Variants in KIAA1614 observed in about 807,000 individuals in gnomAD.
KIAA1614 encodes the protein uncharacterized protein KIAA1614.
Under a neutral mutation model 88.7 loss-of-function variants are expected in KIAA1614, and 76 were observed. That is an observed-to-expected ratio of 0.86 (90% CI 0.71 to 1.04). The LOEUF is 1.04. Ranked by LOEUF, KIAA1614 falls within the 50% of genes least tolerant of loss-of-function variation. The probability of loss-of-function intolerance (pLI) is 0.00; values close to 1 mark genes in which losing one functional copy is unlikely to be tolerated. For synonymous variants in KIAA1614, 714 were observed against 675.5 expected (o/e 1.06, Z -0.88); for missense variants, 1,553 against 1,582.5 (o/e 0.98, Z 0.32).
chr1:180,915,520 G>A lies in KIAA1614; in HGVS notation c.51-634G>A, dbSNP rs141897737. Among the ~76,000 whole-genome samples the A allele has an allele frequency of 2.0e-3, 309 of 152,274 alleles. 1 individual carries two copies. Among genetic ancestry groups the A allele is most frequent in the African/African-American group, 6.8e-3 (283 of 41,554 alleles). ...TGTCCTCTGAAGCTTCATTTTGCCC[G>A]TCTATAAAATGGGGATAGAAAAACT... On this transcript the variant is annotated intron_variant, in intron 1 of 8. Transcript: ENST00000367588.
intron 3 of KIAA1614, among the ~76,000 whole-genome samples, chr1:180,920,224 C>T (rs1653923536): frequency 6.6e-6 from 1 of 152,204 alleles, no homozygotes; most frequent in East Asian, 1.9e-4. Context: ...CCCTGCAGGG[C>T]TCCCTCTCTC....
intron 3 of KIAA1614, among the ~76,000 whole-genome samples, chr1:180,924,886 A>ATAATAATAAT: frequency 7.0e-6 from 1 of 142,634 alleles, no homozygotes; most frequent in South Asian, 2.3e-4. Context: ...GCTAATGATA[A>ATAATAATAAT]AATAATAATA....
chr1:180,933,050 C>T (rs929227158), intron 4 of KIAA1614, among the ~76,000 whole-genome samples: 1 of 152,086 alleles, frequency 6.6e-6, no homozygotes, highest in Non-Finnish European at 1.5e-5. Flanking sequence ...AGCAGGAGTT[C>T]TTTTTAAAAA....
rs183835061 is a variant in KIAA1614 at position 180,930,344 on chromosome 1, G to A, written c.1205+1771G>A. Among the ~76,000 whole-genome samples the A allele has an allele frequency of 5.3e-3, 801 of 151,410 alleles. 8 individuals are homozygous for A. Among genetic ancestry groups the A allele is most frequent in the African/African-American group, 0.019 (768 of 41,182 alleles). On this transcript the variant is annotated intron_variant, in intron 4 of 8. Transcript: ENST00000367588. ...TGAGGCAGGAGAATCACTTGAACCC[G>A]GGAGGCGGAGGTTGCAGCGAGCCGA...
Position 180,946,417 on chromosome 1 carries a change from C to A in KIAA1614, c.*829C>A, listed in dbSNP as rs1208340245. The A allele has an allele frequency of 6.6e-6, 1 of 152,244 alleles. No individual in the cohort carries two copies. The highest frequency in any genetic ancestry group is 1.5e-5 in the Non-Finnish European group (1 of 68,068). The allele number at this position is 152,244 out of a possible 1,614,324, so 9.4% of individuals were successfully genotyped here. Reference sequence around the variant, plus strand: ...GGCAATGGCAGGGAGAAGTCCTGGACATCATTCTGCACTCTGACCAGTTCT... The same window carrying A: ...GGCAATGGCAGGGAGAAGTCCTGGAAATCATTCTGCACTCTGACCAGTTCT... On this transcript the variant is annotated 3_prime_UTR_variant, in exon 9 of 9. Coordinates refer to ENST00000367588, the MANE Select transcript of KIAA1614 (RefSeq NM_020950.2).
chr1:180,938,312 C>T (rs1654376807), intron 5 of KIAA1614, among the ~76,000 whole-genome samples: 1 of 152,228 alleles, frequency 6.6e-6, no homozygotes, highest in Non-Finnish European at 1.5e-5. Context: ...GTCAACAAGA[C>T]TCAGTCCCTG....
chr1:180,935,239 G>T lies in KIAA1614; in HGVS notation c.1330G>T (p.Gly444Cys). 6.5e-7 allele frequency: 1 copy of T among 1,532,170 alleles called. No individual in the cohort carries two copies. 94.9% of individuals were successfully genotyped at this position (1,532,170 alleles called of 1,614,324 possible). The stretch of plus-strand genomic sequence containing the variant: ...CAGCGGTGGGCACAGGCCGAGGCGG[G>T]GCCCCTCGCCGTCGCACGTGCGCTT... ...ESSGGHRPRR[G>C]PSPSHVRFED... The change falls in exon 5 of 9, where the codon GGC becomes TGC. Residue 444 changes from glycine to cysteine, a missense_variant. Coordinates refer to ENST00000367588, the MANE Select transcript of KIAA1614 (RefSeq NM_020950.2). This position sits in a 1 kb window ranked among gnomAD's most constrained non-coding sequence, Gnocchi z 6.1.
At chr1:180,933,512 G>C (rs539502405) in intron 4 of KIAA1614, among the ~76,000 whole-genome samples, 1 of 152,336 alleles carries the variant, frequency 6.6e-6, no homozygotes, top group East Asian at 1.9e-4. Flanking sequence ...CCAACACTTA[G>C]CAGTGGATTG....
Position 180,945,621 on chromosome 1 carries a change from G to T in KIAA1614, c.*33G>T. ...AGCTCTGGGAATTCAGAAAGCCTCT[G>T]ACTACAGGACTAGGCTTCTCCCCTC... On this transcript the variant is annotated 3_prime_UTR_variant, in exon 9 of 9. Transcript: ENST00000367588. The T allele has an allele frequency of 1.3e-6, 2 of 1,561,506 alleles. No individual in the cohort carries two copies. Among genetic ancestry groups the T allele is most frequent in the South Asian group, 2.4e-5 (2 of 82,948 alleles).
At chr1:180,939,865 C>T (rs1225632686) in intron 6 of KIAA1614, among the ~76,000 whole-genome samples, 1 of 152,156 alleles carries the variant, frequency 6.6e-6, no homozygotes, top group Non-Finnish European at 1.5e-5. Context: ...TACACCCAAG[C>T]CTCATGGCCT....
chr1:180,913,434 C>T (rs1653707280), intron 1 of KIAA1614, 141 bp downstream of exon 1: 7 of 444,700 alleles, frequency 1.6e-5, no homozygotes, highest in Non-Finnish European at 2.6e-5. Context: ...CGTGGGGAGG[C>T]CCGCCCTTCA....
chr1:180,916,071 G>A (rs949626029), intron 1 of KIAA1614, 83 bp from the exon 2 acceptor site: 13 of 989,436 alleles, frequency 1.3e-5, no homozygotes, highest in Non-Finnish European at 1.9e-5. Flanking sequence ...AGGACTCAAC[G>A]CCAAGACACT....
At chr1:180,920,534 G>A (rs1036736698) in intron 3 of KIAA1614, among the ~76,000 whole-genome samples, 1 of 152,230 alleles carries the variant, frequency 6.6e-6, no homozygotes, top group African/African-American at 2.4e-5. Context: ...GATCTTCTGA[G>A]GGTTTAAGGT....
In KIAA1614 at chr1:180,950,349, T is replaced by C; in HGVS notation, c.*4761T>C. On this transcript the variant is annotated 3_prime_UTR_variant, in exon 9 of 9. Coordinates refer to ENST00000367588, the MANE Select transcript of KIAA1614 (RefSeq NM_020950.2). Reference sequence around the variant, plus strand: ...CTGTTTTCCTCTGCAGGGATCTACGTGCAGGAGATGGCTGACATGAGCATG... The same window carrying C: ...CTGTTTTCCTCTGCAGGGATCTACGCGCAGGAGATGGCTGACATGAGCATG... 1 of 1,216,456 alleles carries C rather than the reference T, an allele frequency of 8.2e-7. No homozygotes were observed. Among genetic ancestry groups the C allele is most frequent in the Non-Finnish European group, 1.0e-6 (1 of 952,714 alleles). The allele number at this position is 1,216,456 out of a possible 1,614,324, so 75.4% of individuals were successfully genotyped here. A position where few individuals can be genotyped will look rare whatever the true frequency, so the allele number is the denominator to read the frequency against.
intron 2 of KIAA1614, 57 bp downstream of exon 2, chr1:180,917,157 A>G: frequency 5.7e-6 from 8 of 1,414,454 alleles, no homozygotes. Flanking sequence ...ATCCAGAGGG[A>G]GGAAAAGGGG....
chr1:180,926,810 G>A (rs1654080644), intron 3 of KIAA1614, among the ~76,000 whole-genome samples: 1 of 152,264 alleles, frequency 6.6e-6, no homozygotes, highest in Non-Finnish European at 1.5e-5. Flanking sequence ...CCTTGGAGGA[G>A]CTGTCTGCTG....
Position 180,945,622 on chromosome 1 carries a change from A to T in KIAA1614, c.*34A>T. The T allele has an allele frequency of 6.4e-7, 1 of 1,561,346 alleles. No homozygotes were observed. The highest frequency in any genetic ancestry group is 8.6e-7 in the Non-Finnish European group (1 of 1,160,744). On this transcript the variant is annotated 3_prime_UTR_variant, in exon 9 of 9. Transcript: ENST00000367588. ...GCTCTGGGAATTCAGAAAGCCTCTG[A>T]CTACAGGACTAGGCTTCTCCCCTCA...
At chr1:180,918,615 C>T (rs1653875114) in intron 3 of KIAA1614, among the ~76,000 whole-genome samples, 1 of 152,144 alleles carries the variant, frequency 6.6e-6, no homozygotes, top group Admixed American at 6.5e-5. Flanking sequence ...TTGCGAGGCT[C>T]CTGGTCCACA....
Position 180,948,753 on chromosome 1 carries a change from G to A in KIAA1614, c.*3165G>A, listed in dbSNP as rs1044479593. The A allele has an allele frequency of 6.6e-6, 1 of 152,314 alleles. No individual in the cohort carries two copies. The highest frequency in any genetic ancestry group is 2.4e-5 in the African/African-American group (1 of 41,462). 9.4% of individuals were successfully genotyped at this position (152,314 alleles called of 1,614,324 possible). A position where few individuals can be genotyped will look rare whatever the true frequency, so the allele number is the denominator to read the frequency against. ...GAGGGAAAACGCCTTGTACAGTCAG[G>A]ATGGCAGATGTACTCTGTCAGGGAA... On this transcript the variant is annotated 3_prime_UTR_variant, in exon 9 of 9. Coordinates refer to ENST00000367588, the MANE Select transcript of KIAA1614 (RefSeq NM_020950.2).
Sources: gnomAD v4.1 joint callset for allele counts (sites outside exome capture counted in the v4.1 genomes callset) on GRCh38, gnomAD v4.1.1 for gene constraint, Gnocchi (gnomAD v3.1) non-coding constraint, MANE v1.5 for transcripts, NCBI Gene and HGNC (gene_info 2026-07-23, HGNC 2026-07-21) for gene names.